Variants in PRELID2 observed in about 807,000 individuals in gnomAD.
PRELID2 encodes the protein PRELI domain containing 2, also known as PRELI domain-containing protein 2.
PRELID2 carries 25 observed loss-of-function variants against 28.4 expected under a neutral mutation model. That is an observed-to-expected ratio of 0.88 (90% CI 0.64 to 1.23). The LOEUF is 1.23. Among genes scored for constraint, PRELID2 ranks in the 50% most tolerant of loss-of-function variants. The probability of loss-of-function intolerance (pLI) is 0.00; values close to 1 mark genes in which losing one functional copy is unlikely to be tolerated. For synonymous variants in PRELID2, 76 were observed against 71.6 expected (o/e 1.06, Z -0.31); for missense variants, 201 against 214.4 (o/e 0.94, Z 0.39).
At chr5:145,815,498 A>G (rs756575382) in intron 4 of PRELID2, among the ~76,000 whole-genome samples, 6 of 152,148 alleles carry the variant, frequency 3.9e-5, no homozygotes, top group Non-Finnish European at 8.8e-5. Flanking sequence ...GCAACCATCA[A>G]CACTAATTCC....
At chr5:145,663,342 C>A (rs998983434) in intron 1 of PRELID2, among the ~76,000 whole-genome samples, 2 of 152,098 alleles carry the variant, frequency 1.3e-5, no homozygotes, top group African/African-American at 4.8e-5. Flanking sequence ...TGCTATCCAT[C>A]TTTCAAAGTT....
intron 1 of PRELID2, among the ~76,000 whole-genome samples, chr5:145,627,332 A>G (rs1252173685): frequency 1.3e-5 from 2 of 151,946 alleles, no homozygotes; most frequent in Non-Finnish European, 2.9e-5. Context: ...ACCTATACAG[A>G]GTGGAATAAT....
At chr5:145,819,325 C>T in intron 3 of PRELID2, 1 of 1,174,388 alleles carries the variant, frequency 8.5e-7, no homozygotes, top group South Asian at 1.2e-5. Context: ...TAAAAGGACT[C>T]CCACTGAAAA....
At chr5:145,563,688 A>G (rs931301930) in intron 1 of PRELID2, among the ~76,000 whole-genome samples, 5 of 152,352 alleles carry the variant, frequency 3.3e-5, no homozygotes, top group Non-Finnish European at 5.9e-5. Context: ...AAAAAGAAAA[A>G]TACTGCATGA....
intron 4 of PRELID2, among the ~76,000 whole-genome samples, chr5:145,800,446 A>T (rs1337151716): frequency 1.3e-5 from 2 of 152,132 alleles, no homozygotes; most frequent in African/African-American, 4.8e-5. Context: ...TCCTGGTGAC[A>T]CTAATCTTTC....
chr5:145,735,453 A>G (rs1756470385), intron 1 of PRELID2, among the ~76,000 whole-genome samples: 1 of 152,194 alleles, frequency 6.6e-6, no homozygotes, highest in Non-Finnish European at 1.5e-5. Context: ...AAGAGGGAAA[A>G]TAAGATTTGA....
chr5:145,593,029 T>C (rs1180704252), intron 1 of PRELID2, among the ~76,000 whole-genome samples: 2 of 152,184 alleles, frequency 1.3e-5, no homozygotes, highest in African/African-American at 4.8e-5. Flanking sequence ...AGCAGAAAAG[T>C]AATTATGTTA....
chr5:145,283,270 C>T, the PRELID2 span, among the ~76,000 whole-genome samples: 9 of 152,008 alleles, frequency 5.9e-5, no homozygotes, highest in African/African-American at 1.7e-4. Flanking sequence ...AACAATTCTC[C>T]GGAAATACAA....
the PRELID2 span, among the ~76,000 whole-genome samples, chr5:145,355,606 C>T: frequency 6.6e-6 from 1 of 152,224 alleles, no homozygotes; most frequent in African/African-American, 2.4e-5. Context: ...TACCTATGTT[C>T]ACAGGACCTA....
At chr5:145,260,296 C>T in the PRELID2 span, among the ~76,000 whole-genome samples, 1 of 152,004 alleles carries the variant, frequency 6.6e-6, no homozygotes, top group Non-Finnish European at 1.5e-5. Flanking sequence ...AGCATATTTA[C>T]CCAGTAAAAA....
intron 1 of PRELID2, among the ~76,000 whole-genome samples, chr5:145,708,683 GAAC>G (rs1401984697): frequency 3.3e-5 from 5 of 152,148 alleles, no homozygotes; most frequent in African/African-American, 1.2e-4. Context: ...TGCCTGGGGA[GAAC>G]AACATTTGAA....
At chr5:145,445,683 TAATA>T in the PRELID2 span, among the ~76,000 whole-genome samples, 20 of 151,400 alleles carry the variant, frequency 1.3e-4, 1 homozygote, top group African/African-American at 3.6e-4. Flanking sequence ...GCAAAAAAAT[TAATA>T]AATAAATAAT....
At chr5:145,683,285 G>A (rs1231705716) in intron 1 of PRELID2, among the ~76,000 whole-genome samples, 1 of 152,126 alleles carries the variant, frequency 6.6e-6, no homozygotes, top group Admixed American at 6.6e-5. Flanking sequence ...ATGTAATGAT[G>A]TGTTCTATAC....
the PRELID2 span, among the ~76,000 whole-genome samples, chr5:145,290,775 G>T: frequency 6.6e-6 from 1 of 150,864 alleles, no homozygotes; most frequent in Non-Finnish European, 1.5e-5. Context: ...AAAAGGTCTC[G>T]GTATATTTGG....
At chr5:145,425,808 C>A in the PRELID2 span, among the ~76,000 whole-genome samples, 1 of 151,886 alleles carries the variant, frequency 6.6e-6, no homozygotes, top group Non-Finnish European at 1.5e-5. Context: ...ATGTAACAAA[C>A]CTGCACATCC....
At chr5:145,606,445 A>C (rs1753505811) in intron 1 of PRELID2, among the ~76,000 whole-genome samples, 1 of 152,104 alleles carries the variant, frequency 6.6e-6, no homozygotes, top group African/African-American at 2.4e-5. Flanking sequence ...ATATTCCTTC[A>C]GTGCCTAGTC....
intron 1 of PRELID2, among the ~76,000 whole-genome samples, chr5:145,617,178 T>A (rs955505774): frequency 6.6e-6 from 1 of 152,198 alleles, no homozygotes; most frequent in Non-Finnish European, 1.5e-5. Context: ...ACACACATGC[T>A]CTACAAACAA....
the PRELID2 span, among the ~76,000 whole-genome samples, chr5:145,259,888 G>C: frequency 0.081 from 12,330 of 152,150 alleles, 1,080 homozygotes; most frequent in African/African-American, 0.22. Flanking sequence ...CTGTGTCACT[G>C]CCCAAATCTC....
chr5:145,358,725 G>C, the PRELID2 span, among the ~76,000 whole-genome samples: 9 of 152,274 alleles, frequency 5.9e-5, no homozygotes, highest in South Asian at 1.9e-3. Flanking sequence ...CAATATTTTT[G>C]ACATTGATCC....
Sources: gnomAD v4.1 joint callset for allele counts (sites outside exome capture counted in the v4.1 genomes callset) on GRCh38, gnomAD v4.1.1 for gene constraint, MANE v1.5 for transcripts, NCBI Gene and HGNC (gene_info 2026-07-23, HGNC 2026-07-21) for gene names.